SYT7: variants seen among roughly 807,000 people sequenced by gnomAD.
SYT7 encodes the protein synaptotagmin 7, also known as synaptotagmin-7.
A neutral mutation model predicts 75.1 loss-of-function variants in SYT7; 29 were observed. The ratio of observed to expected loss-of-function variants is 0.39; its 90% CI spans 0.29 to 0.53. The LOEUF (loss-of-function observed/expected upper bound fraction) is 0.53. SYT7 is among the 20% of genes least tolerant of loss of function. The pLI is 0.77. For missense variants in SYT7, 693 were observed against 953.2 expected, an observed-to-expected ratio of 0.73 and a Z score of 3.59; for synonymous variants, 376 against 401.7, an observed-to-expected ratio of 0.94 and a Z score of 0.76.
rs961789095 is a variant in SYT7, at chr11:61,524,050, CCTGT to C, written c.1642-113_1642-110del. 2.0e-6 allele frequency: 2 copies of C among 998,488 alleles called. No homozygotes were observed. The highest frequency in any genetic ancestry group is 1.9e-5 in the Admixed American group (1 of 51,690). The allele number at this position is 998,488 out of a possible 1,614,324, so 61.9% of individuals were successfully genotyped here. ...CCTGACCTTGGTGCTTACCCATGCCCCTGTCTGTCACCTCTGTCTCACTCTGTCT... is the reference window on the plus strand; with the variant it reads ...CCTGACCTTGGTGCTTACCCATGCCCCTGTCACCTCTGTCTCACTCTGTCT... On this transcript the variant is annotated intron_variant, in intron 10 of 12. Transcript: ENST00000539008. This position sits in a 1 kb window ranked among gnomAD's most constrained non-coding sequence, Gnocchi z 4.1.
At chr11:61,554,213 CCT>C (rs2063428678) in intron 2 of SYT7, among the ~76,000 whole-genome samples, 1 of 152,024 alleles carries the variant, frequency 6.6e-6, no homozygotes, top group Non-Finnish European at 1.5e-5. Context: ...AGGCCCTGCC[CCT>C]GACTGGAGGT....
At position 61,523,605 on chromosome 11, in the gene SYT7, A is replaced by G. The variant is rs3862736; in HGVS notation, c.1756+222T>C. ...TCTTTCTGATTCTTGGAAGAACATA[A>G]TCCAGGATGATGCTGACATCTTGAT... On this transcript the variant is annotated intron_variant, in intron 11 of 12. Coordinates refer to ENST00000539008, the MANE Select transcript of SYT7 (RefSeq NM_001365809.2). This position sits in a 1 kb window ranked among gnomAD's most constrained non-coding sequence, Gnocchi z 5.0. 0.14 allele frequency among the ~76,000 whole-genome samples: 20,990 copies of G among 152,106 alleles called. 3,001 individuals are homozygous for G. The highest frequency in any genetic ancestry group is 0.37 in the African/African-American group (15,322 of 41,430).
intron 1 of SYT7, among the ~76,000 whole-genome samples, chr11:61,570,589 G>A (rs991365997): frequency 6.6e-6 from 1 of 152,142 alleles, no homozygotes; most frequent in Admixed American, 6.5e-5. Flanking sequence ...CAGAGGCATG[G>A]TTCTGACTCA....
intron 8 of SYT7, among the ~76,000 whole-genome samples, chr11:61,530,429 T>C (rs1454542889): frequency 6.6e-6 from 1 of 152,182 alleles, no homozygotes; most frequent in Non-Finnish European, 1.5e-5. Flanking sequence ...TCCCTGCTCA[T>C]GCCAGCCCCA....
At chr11:61,588,339 A>T in the SYT7 span, among the ~76,000 whole-genome samples, 1 of 152,186 alleles carries the variant, frequency 6.6e-6, no homozygotes, top group African/African-American at 2.4e-5. Flanking sequence ...TATCCCGCTT[A>T]ATAGTCACAG....
In SYT7 at chr11:61,522,187, C is replaced by CTT. The variant is rs60616538; in HGVS notation, c.1956+886_1956+887dup. ...TTGGTTACGTGATATGAAGAGATCA[C>CTT]TTTTTTTTTTTTTTTTTTTTTCAGG... On this transcript the variant is annotated intron_variant, in intron 12 of 12. Coordinates refer to ENST00000539008, the MANE Select transcript of SYT7 (RefSeq NM_001365809.2). Among the ~76,000 whole-genome samples the CTT allele has an allele frequency of 1.1e-3, 130 of 114,240 alleles. 1 individual carries two copies. The highest frequency in any genetic ancestry group is 3.7e-3 in the African/African-American group (109 of 29,322). 74.9% of individuals were successfully genotyped at this position (114,240 alleles called of 152,430 possible). A position where few individuals can be genotyped will look rare whatever the true frequency, so the allele number is the denominator to read the frequency against.
chr11:61,569,601 T>A (rs2063865483), intron 1 of SYT7, among the ~76,000 whole-genome samples: 1 of 151,096 alleles, frequency 6.6e-6, no homozygotes, highest in Non-Finnish European at 1.5e-5. Context: ...GGGGTAGGAA[T>A]CTCCCCTCTA....
chr11:61,517,057 G>A lies in SYT7; in HGVS notation c.*1570C>T, dbSNP rs1403380748. ...GGGGTGTCACAGGCCCATCCAGAGT[G>A]GAACTGGGGGCTAAGACCACGGCCA... On this transcript the variant is annotated 3_prime_UTR_variant, in exon 13 of 13. Coordinates refer to ENST00000539008, the MANE Select transcript of SYT7 (RefSeq NM_001365809.2). 2.6e-6 allele frequency: 1 copy of A among 390,796 alleles called. No homozygotes were observed. The highest frequency in any genetic ancestry group is 2.1e-5 in the African/African-American group (1 of 48,464). 24.2% of individuals were successfully genotyped at this position (390,796 alleles called of 1,614,324 possible). A position where few individuals can be genotyped will look rare whatever the true frequency, so the allele number is the denominator to read the frequency against.
In SYT7 at chr11:61,533,080, C is replaced by T. The variant is rs2062758852; in HGVS notation, c.1109G>A (p.Gly370Asp). 1.2e-6 allele frequency: 2 copies of T among 1,611,624 alleles called. No individual in the cohort carries two copies. Among genetic ancestry groups the T allele is most frequent in the Admixed American group, 1.7e-5 (1 of 59,910 alleles). The change falls in exon 8 of 13, where the codon GGC (glycine) becomes GAC (aspartate). Residue 370 changes from glycine (G) to aspartate (D), a missense_variant. By Grantham distance (94) the Gly-to-Asp change is moderately conservative. Around this residue, in one of 2 missense-constraint regions of SYT7, gnomAD observed 487 missense variants for 593.2 expected, o/e 0.82. Transcript: ENST00000539008. ...GKAVNTAPVP[G>D]QTPHDESDRR... Reference sequence around the variant, plus strand: ...GTCGGACTCATCGTGGGGTGTCTGGCCTGGCACGGGGGCTGTGTTCACCGC... The same window carrying T: ...GTCGGACTCATCGTGGGGTGTCTGGTCTGGCACGGGGGCTGTGTTCACCGC...
At position 61,524,458 on chromosome 11, in the gene SYT7, C is replaced by T. The variant is rs775675185; in HGVS notation, c.1546G>A (p.Asp516Asn). 3.1e-6 allele frequency: 5 copies of T among 1,613,284 alleles called. No individual in the cohort carries two copies. Among genetic ancestry groups the T allele is most frequent in the East Asian group, 2.2e-5 (1 of 44,890 alleles). Residue 516 changes from aspartate to asparagine, a missense_variant, in exon 10 of 13, where the codon GAC becomes AAC. Asp to Asn is a conservative substitution (Grantham distance 23). Transcript: ENST00000539008. This position sits in a 1 kb window ranked among gnomAD's most constrained non-coding sequence, Gnocchi z 4.1. ...GGGATGGACACCTCCCCAATGGGGT[C>T]GTTGCGGCTGAAGCGGTCATAGTCC... ...VLDYDRFSRN[D>N]PIGEVSIPLN... is the part of the protein sequence containing the mutation.
At chr11:61,562,163 G>A (rs2063655992) in intron 1 of SYT7, among the ~76,000 whole-genome samples, 1 of 152,068 alleles carries the variant, frequency 6.6e-6, no homozygotes, top group Non-Finnish European at 1.5e-5. Context: ...TTTAGGCCCA[G>A]ATGAAAAGAC....
chr11:61,535,705 T>A (rs1590862103), intron 7 of SYT7, among the ~76,000 whole-genome samples: 1 of 152,022 alleles, frequency 6.6e-6, no homozygotes, highest in African/African-American at 2.4e-5. Context: ...GAACCTGGAA[T>A]GGCCACTCCT....
chr11:61,559,343 A>G (rs1291651654), intron 1 of SYT7, among the ~76,000 whole-genome samples: 1 of 152,184 alleles, frequency 6.6e-6, no homozygotes, highest in Non-Finnish European at 1.5e-5. Context: ...TGGAGGTGGG[A>G]AAAGTGTCAG....
Position 61,542,425 on chromosome 11 carries a change from G to T in SYT7, c.727C>A (p.Pro243Thr). The T allele has an allele frequency of 6.5e-7, 1 of 1,532,662 alleles. No individual in the cohort carries two copies. Among genetic ancestry groups the T allele is most frequent in the South Asian group, 1.2e-5 (1 of 83,890 alleles). 94.9% of individuals were successfully genotyped at this position (1,532,662 alleles called of 1,614,324 possible). ...QHQRGRQPSQ[P>T]TTSQSLGQLQ... ...TGGCCCAGGCTCTGGCTGGTGGTGG[G>T]CTGGCTGGGCTGCCGGCCCCGCTGG... Residue 243 changes from proline to threonine, a missense_variant, in exon 6 of 13, where the codon CCC (proline) becomes ACC (threonine). Around this residue, in one of 2 missense-constraint regions of SYT7, gnomAD observed 487 missense variants for 593.2 expected, o/e 0.82. Coordinates refer to ENST00000539008, the MANE Select transcript of SYT7 (RefSeq NM_001365809.2). This position sits in a 1 kb window ranked among gnomAD's most constrained non-coding sequence, Gnocchi z 7.8.
chr11:61,577,960 A>G (rs1423447325), intron 1 of SYT7, among the ~76,000 whole-genome samples: 2 of 152,142 alleles, frequency 1.3e-5, no homozygotes, highest in African/African-American at 4.8e-5. Flanking sequence ...GCCTGGGGAC[A>G]AGCAGTCCGA....
rs144946800 is a variant in SYT7 at position 61,533,438 on chromosome 11, G to C, written c.1065-314C>G. 7.1e-6 allele frequency: 7 copies of C among 985,184 alleles called. No individual in the cohort carries two copies. In the African/African-American group the frequency reaches 1.2e-4, roughly 17 times the overall value. 61.0% of individuals were successfully genotyped at this position (985,184 alleles called of 1,614,324 possible). ...CCTCCAGTCATTGGCTTGCATAGTC[G>C]GTCTCTGAGGTGGCCACTGCCCCCA... On this transcript the variant is annotated intron_variant, in intron 7 of 12. Transcript: ENST00000539008.
chr11:61,525,225 CAG>C (rs1324147094), intron 9 of SYT7, among the ~76,000 whole-genome samples: 1 of 152,220 alleles, frequency 6.6e-6, no homozygotes, highest in Non-Finnish European at 1.5e-5. Flanking sequence ...ATGCGGCAGC[CAG>C]AGAGACCTTT....
In SYT7 at chr11:61,542,071, G is replaced by A; in HGVS notation, c.941+140C>T. 5 of 1,168,772 alleles carry A rather than the reference G, an allele frequency of 4.3e-6. No individual in the cohort carries two copies. Among genetic ancestry groups the A allele is most frequent in the Non-Finnish European group, 5.8e-6 (5 of 864,112 alleles). 72.4% of individuals were successfully genotyped at this position (1,168,772 alleles called of 1,614,324 possible). On this transcript the variant is annotated intron_variant, in intron 6 of 12. Coordinates refer to ENST00000539008, the MANE Select transcript of SYT7 (RefSeq NM_001365809.2). This position sits in a 1 kb window ranked among gnomAD's most constrained non-coding sequence, Gnocchi z 7.8. ...AGGAGCCACAAGAGGCTAAGGAGGGGGCTGCCAAGTCTGCTTGGCACCCTG... is the reference window on the plus strand; with the variant it reads ...AGGAGCCACAAGAGGCTAAGGAGGGAGCTGCCAAGTCTGCTTGGCACCCTG...
chr11:61,587,580 C>T, the SYT7 span, among the ~76,000 whole-genome samples: 2 of 152,268 alleles, frequency 1.3e-5, no homozygotes, highest in African/African-American at 4.8e-5. Flanking sequence ...CGCCCGCGCT[C>T]CTGGTCCTCC....
Sources: gnomAD v4.1 joint callset for allele counts (sites outside exome capture counted in the v4.1 genomes callset) on GRCh38, gnomAD v4.1.1 for gene constraint, gnomAD v4.1.1 regional missense constraint, Gnocchi (gnomAD v3.1) non-coding constraint, MANE v1.5 for transcripts, NCBI Gene and HGNC (gene_info 2026-07-23, HGNC 2026-07-21) for gene names.